SPTBN5: variants seen among roughly 807,000 people sequenced by gnomAD.
SPTBN5 encodes the protein spectrin beta, non-erythrocytic 5.
A neutral mutation model predicts 477.6 loss-of-function variants in SPTBN5; 513 were observed. That is an observed-to-expected ratio of 1.07 (90% confidence interval 1.00 to 1.16). SPTBN5 has a LOEUF of 1.16. Ranked by LOEUF, SPTBN5 falls within the 50% of genes most tolerant of loss-of-function variation. SPTBN5 has a pLI of 0.00. For synonymous variants in SPTBN5, 2,169 were observed against 2,011.7 expected (o/e 1.08, Z -2.09); for missense variants, 5,062 against 4,731.8 (o/e 1.07, Z -2.05).
intron 35 of SPTBN5, 135 bp downstream of exon 35, chr15:41,867,403 A>G (rs2066361942): frequency 3.3e-6 from 3 of 912,882 alleles, no homozygotes; most frequent in Admixed American, 4.1e-5. Context: ...TGCTCAGTCA[A>G]CCCCAACCAG....
chr15:41,872,218 T>G, intron 27 of SPTBN5, 84 bp downstream of exon 27: 1 of 1,496,006 alleles, frequency 6.7e-7, no homozygotes, highest in Non-Finnish European at 9.0e-7. Context: ...TGGGTTCTGA[T>G]TGACTTTGGG....
In SPTBN5 at chr15:41,853,630, G is replaced by C. The variant is rs541350821; in HGVS notation, c.9932C>G (p.Ala3311Gly). 12 of 1,592,580 alleles carry C rather than the reference G, an allele frequency of 7.5e-6. No homozygotes were observed. The highest frequency in any genetic ancestry group is 8.5e-7 in the Non-Finnish European group (1 of 1,170,662). ...GAAGGCATGGCCCTGTGCAGCCTGC[G>C]CCAGCCACTGGCCTCGCTCCTGGGC... is the stretch of plus-strand genomic sequence containing the variant. ...AKAQERGQWL[A>G]QAAQGHAFLG... The change falls in exon 58 of 68, where the codon GCG becomes GGG. Residue 3311 changes from alanine to glycine, a missense_variant. By Grantham distance (60) the Ala-to-Gly change is moderately conservative. Coordinates refer to ENST00000320955, the MANE Select transcript of SPTBN5 (RefSeq NM_016642.4).
At chr15:41,874,639 C>T (rs2066660245) in intron 23 of SPTBN5, among the ~76,000 whole-genome samples, 161 bp from the exon 24 acceptor site, 1 of 152,214 alleles carries the variant, frequency 6.6e-6, no homozygotes, top group Non-Finnish European at 1.5e-5. Context: ...CAGGGCCCCA[C>T]CTCATGGCCT....
chr15:41,853,017 G>A lies in SPTBN5; in HGVS notation c.10171-17C>T. ...CTCTGTCACCTGGTGGGGAGGGGCT[G>A]CTATGGGTGACAGCTTGGGTAGGGC... On this transcript the variant is annotated splice_polypyrimidine_tract_variant and intron_variant, in intron 59 of 67. Coordinates refer to ENST00000320955, the MANE Select transcript of SPTBN5 (RefSeq NM_016642.4). 6.7e-7 allele frequency: 1 copy of A among 1,500,478 alleles called. No individual in the cohort carries two copies. The highest frequency in any genetic ancestry group is 8.9e-7 in the Non-Finnish European group (1 of 1,122,684). 92.9% of individuals were successfully genotyped at this position (1,500,478 alleles called of 1,614,324 possible). A position where few individuals can be genotyped will look rare whatever the true frequency, so the allele number is the denominator to read the frequency against.
chr15:41,876,851 T>G lies in SPTBN5; in HGVS notation c.3809A>C (p.His1270Pro). ...CTGGCTCTGAACCAGCTTCTCGCCG[T>G]GTGCCCGCAGAGCCTCTGCCCGAGG... Reference protein sequence around the residue: ...LGPRAEALRAHGEKLVQSQHP... With the variant: ...LGPRAEALRAPGEKLVQSQHP... The change falls in exon 19 of 68, where the codon CAC becomes CCC. Residue 1270 changes from histidine (H) to proline (P), a missense_variant. His to Pro is a moderately conservative substitution (Grantham distance 77). Coordinates refer to ENST00000320955, the MANE Select transcript of SPTBN5 (RefSeq NM_016642.4). The G allele has an allele frequency of 6.2e-7, 1 of 1,610,540 alleles. No homozygotes were observed. Among genetic ancestry groups the G allele is most frequent in the Non-Finnish European group, 8.5e-7 (1 of 1,179,828 alleles).
rs888391211 is a variant in SPTBN5, at chr15:41,877,850, G to C, written c.3470+492C>G. Among the ~76,000 whole-genome samples the C allele has an allele frequency of 3.9e-5, 6 of 152,356 alleles. No individual in the cohort carries two copies. In the East Asian group the frequency reaches 1.2e-3, roughly 29 times the overall value. On this transcript the variant is annotated intron_variant, in intron 17 of 67. Transcript: ENST00000320955. ...GGCCACCTGTCAAGTGCCTTCAGGA[G>C]GGGCACAGCCTGTGGACTGTCCCTG... is the stretch of plus-strand genomic sequence containing the variant.
In SPTBN5 at chr15:41,893,557, T is replaced by C; in HGVS notation, c.-49-11A>G. 2 of 1,530,880 alleles carry C rather than the reference T, an allele frequency of 1.3e-6. No individual in the cohort carries two copies. Among genetic ancestry groups the C allele is most frequent in the Non-Finnish European group, 1.7e-6 (2 of 1,144,186 alleles). 94.8% of individuals were successfully genotyped at this position (1,530,880 alleles called of 1,614,324 possible). A position where few individuals can be genotyped will look rare whatever the true frequency, so the allele number is the denominator to read the frequency against. On this transcript the variant is annotated splice_polypyrimidine_tract_variant and intron_variant, in intron 1 of 67. Coordinates refer to ENST00000320955, the MANE Select transcript of SPTBN5 (RefSeq NM_016642.4). Reference sequence around the variant, plus strand: ...GATGGCTCCCTAAACCTGGAGGGCATGCAGATTAGGGGATGATGTGAATGG... The same window carrying C: ...GATGGCTCCCTAAACCTGGAGGGCACGCAGATTAGGGGATGATGTGAATGG...
At chr15:41,877,935 T>C (rs879543272) in intron 17 of SPTBN5, among the ~76,000 whole-genome samples, 2 of 152,150 alleles carry the variant, frequency 1.3e-5, no homozygotes, top group Non-Finnish European at 2.9e-5. Context: ...GGCGCCACCT[T>C]ACTAAGGAGG....
intron 41 of SPTBN5, 38 bp downstream of exon 41, chr15:41,863,666 G>T (rs1233614149): frequency 1.3e-6 from 2 of 1,544,112 alleles, no homozygotes; most frequent in Non-Finnish European, 1.8e-6. Context: ...GACTGCATTT[G>T]CTCACAGCCC....
rs760758428 is a variant in SPTBN5, at chr15:41,870,313, A to G, written c.5603T>C (p.Leu1868Pro). The change falls in exon 31 of 68, where the codon CTG becomes CCG. Residue 1868 changes from leucine to proline, a missense_variant. By Grantham distance (98) the Leu-to-Pro change is moderately conservative. Coordinates refer to ENST00000320955, the MANE Select transcript of SPTBN5 (RefSeq NM_016642.4). Reference sequence around the variant, plus strand: ...TCTCAGCTGCGCCTCCAGCCCACACAGGTCCCGTGCCACATTGTTGGGGAG... The same window carrying G: ...TCTCAGCTGCGCCTCCAGCCCACACGGGTCCCGTGCCACATTGTTGGGGAG... ...TSLPNNVARDLCGLEAQLRSH... is the reference protein window; with the variant it reads ...TSLPNNVARDPCGLEAQLRSH... 1 of 1,563,702 alleles carries G rather than the reference A, an allele frequency of 6.4e-7. No individual in the cohort carries two copies. The highest frequency in any genetic ancestry group is 2.4e-5 in the East Asian group (1 of 42,030).
At position 41,877,221 on chromosome 15, in the gene SPTBN5, C is replaced by T; in HGVS notation, c.3606G>A (p.Gln1202=). 1.2e-6 allele frequency: 2 copies of T among 1,614,038 alleles called. No individual in the cohort carries two copies. The highest frequency in any genetic ancestry group is 1.7e-6 in the Non-Finnish European group (2 of 1,179,900). ...GCAGCTCCAGCCCCTCTTGCAGCCACTGCTGCCTCTGCTCCCACAAAACCT... is the reference window on the plus strand; with the variant it reads ...GCAGCTCCAGCCCCTCTTGCAGCCATTGCTGCCTCTGCTCCCACAAAACCT... The part of the protein sequence containing the change: ...ELKVLWEQRQ[Q]WLQEGLELQK... The change falls in exon 18 of 68, where the codon CAG becomes CAA. Residue 1202 remains glutamine, a synonymous_variant. Coordinates refer to ENST00000320955, the MANE Select transcript of SPTBN5 (RefSeq NM_016642.4).
At chr15:41,865,954 C>G in intron 38 of SPTBN5, 51 bp from the exon 39 acceptor site, 1 of 1,546,384 alleles carries the variant, frequency 6.5e-7, no homozygotes, top group Non-Finnish European at 8.7e-7. Context: ...AGCCCAGGCT[C>G]CTGGCACCTG....
In SPTBN5 at chr15:41,888,011, G is replaced by A. The variant is rs1176707401; in HGVS notation, c.576C>T (p.Ala192=). The change falls in exon 5 of 68, where the codon GCC becomes GCT. Residue 192 remains alanine, a synonymous_variant. Transcript: ENST00000320955. ...CTGTAATGTTCACGTTGGTGTAGCT[G>A]GCTGTCTTCCGCTGGCACCAGACCA... The part of the protein sequence containing the change: ...ALLVWCQRKT[A]SYTNVNITDF... The A allele has an allele frequency of 6.3e-7, 1 of 1,598,604 alleles. No homozygotes were observed. Among genetic ancestry groups the A allele is most frequent in the Non-Finnish European group, 8.5e-7 (1 of 1,173,036 alleles).
intron 56 of SPTBN5, among the ~76,000 whole-genome samples, chr15:41,854,485 A>T (rs1196547506): frequency 6.6e-6 from 1 of 151,236 alleles, no homozygotes; most frequent in East Asian, 1.9e-4. Context: ...GTGAGGGAGC[A>T]GGCCGGTTCT....
intron 67 of SPTBN5, among the ~76,000 whole-genome samples, 197 bp downstream of exon 67, chr15:41,849,672 C>A (rs2065683619): frequency 6.6e-6 from 1 of 152,160 alleles, no homozygotes; most frequent in Non-Finnish European, 1.5e-5. Context: ...ACTGTAGAGT[C>A]TGTGGAAATC....
At chr15:41,885,680 G>C (rs1414091919) in intron 7 of SPTBN5, 55 bp downstream of exon 7, 1 of 1,512,394 alleles carries the variant, frequency 6.6e-7, no homozygotes, top group Non-Finnish European at 8.9e-7. Flanking sequence ...AAGGATGGGG[G>C]TGTGGTAGGA....
chr15:41,867,186 G>A (rs758879038), intron 35 of SPTBN5, 60 bp from the exon 36 acceptor site: 3 of 1,470,192 alleles, frequency 2.0e-6, no homozygotes, highest in East Asian at 5.0e-5. Context: ...GGCCTGGCCT[G>A]CAGGGCTCAC....
chr15:41,850,645 C>T, intron 66 of SPTBN5: 2 of 578,188 alleles, frequency 3.5e-6, no homozygotes, highest in Non-Finnish European at 6.1e-6. Flanking sequence ...AAACTGGCCC[C>T]ATCTCTGCTA....
In SPTBN5 at chr15:41,855,314, C is replaced by A. The variant is rs751524507; in HGVS notation, c.9333G>T (p.Glu3111Asp). Residue 3111 changes from glutamate to aspartate, a missense_variant, in exon 55 of 68, where the codon GAG (glutamate) becomes GAT (aspartate). By Grantham distance (45) the Glu-to-Asp change is conservative. Transcript: ENST00000320955. The stretch of plus-strand genomic sequence containing the variant: ...AGGCGTCGAGGAGCAGGGTCTCTCG[C>A]TCCAGCTGGTGTAGCTGCAGCTGCT... ...LQEQLQLHQL[E>D]RETLLLDAWL... 1 of 1,610,440 alleles carries A rather than the reference C, an allele frequency of 6.2e-7. No individual in the cohort carries two copies. The highest frequency in any genetic ancestry group is 1.1e-5 in the South Asian group (1 of 91,060).
Sources: allele counts gnomAD v4.1 joint callset (sites outside exome capture counted in the v4.1 genomes callset), GRCh38; gene constraint gnomAD v4.1.1; transcripts MANE v1.5; gene names NCBI Gene and HGNC (gene_info 2026-07-23, HGNC 2026-07-21).